Variants in CARS1 observed in about 807,000 individuals in gnomAD.
The protein encoded by CARS1 is cysteine--tRNA ligase, cytoplasmic.
Under a neutral mutation model 106.2 loss-of-function variants are expected in CARS1, and 48 were observed. The ratio of observed to expected loss-of-function variants is 0.45; its 90% CI spans 0.36 to 0.57. The LOEUF (loss-of-function observed/expected upper bound fraction) is 0.57, where lower values mean the gene tolerates loss of function less well. CARS1 is among the 20% of genes least tolerant of loss of function. The pLI is 0.00. For synonymous variants in CARS1, 409 were observed against 403.4 expected (o/e 1.01, Z -0.17); for missense variants, 968 against 1,057.2 (o/e 0.92, Z 1.17).
chr11:3,025,298 G>A (rs1222426051), intron 10 of CARS1, among the ~76,000 whole-genome samples: 1 of 152,186 alleles, frequency 6.6e-6, no homozygotes, highest in African/African-American at 2.4e-5. Flanking sequence ...CACAATCTTG[G>A]CTCACTATAA....
rs1565068557 is a variant in CARS1 at position 3,029,275 on chromosome 11, GC to G, written c.942+27del. 6.2e-7 allele frequency: 1 copy of G among 1,610,696 alleles called. No homozygotes were observed. Among genetic ancestry groups the G allele is most frequent in the Non-Finnish European group, 8.5e-7 (1 of 1,177,162 alleles). On this transcript the variant is annotated intron_variant, in intron 8 of 22. Transcript: ENST00000380525. This position sits in a 1 kb window ranked among gnomAD's most constrained non-coding sequence, Gnocchi z 5.9. ...AAATCAGGGCCCTTAGCGCAAGAGA[GC>G]CAGCACAAGACAATCGTGACACTTA...
intron 18 of CARS1, chr11:3,007,457 G>A (rs1439182186): frequency 6.4e-6 from 1 of 155,104 alleles, no homozygotes; most frequent in Non-Finnish European, 1.4e-5. Flanking sequence ...ACGGGACTGC[G>A]ATGGGGGTCC....
In CARS1 at chr11:3,043,833, G is replaced by A. The variant is rs111547944; in HGVS notation, c.275-1577C>T. 6.4e-4 allele frequency among the ~76,000 whole-genome samples: 97 copies of A among 152,290 alleles called. No individual in the cohort carries two copies. The highest frequency in any genetic ancestry group is 2.3e-3 in the African/African-American group (94 of 41,558). On this transcript the variant is annotated intron_variant, in intron 2 of 22. Transcript: ENST00000380525. The surrounding 1 kb of genome is among the most constrained non-coding windows in gnomAD (Gnocchi z 4.0). ...ACTGTGTCTGGGCAGTGGGGGTACT[G>A]TGGGCAGGTGGGAGATGGGGCAGGA...
Position 3,003,079 on chromosome 11 carries a change from G to C in CARS1, c.2218-479C>G, listed in dbSNP as rs146895446. 3.3e-5 allele frequency among the ~76,000 whole-genome samples: 5 copies of C among 152,256 alleles called. No homozygotes were observed. The East Asian group carries it at 9.7e-4, about 30-fold the overall frequency. On this transcript the variant is annotated intron_variant, in intron 20 of 22. Transcript: ENST00000380525. This position sits in a 1 kb window ranked among gnomAD's most constrained non-coding sequence, Gnocchi z 4.8. ...GGCAGCCTTGGGGGCTAGGTGAGGA[G>C]ACCAGAGCCCACTCCAACCAGCAGG...
rs528585835 is a variant in CARS1 at position 3,004,652 on chromosome 11, G to C, written c.2217+714C>G. Among the ~76,000 whole-genome samples, 7 of 152,330 alleles carry C rather than the reference G, an allele frequency of 4.6e-5. No individual in the cohort carries two copies. Among genetic ancestry groups the C allele is most frequent in the African/African-American group, 1.7e-4 (7 of 41,576 alleles). On this transcript the variant is annotated intron_variant, in intron 20 of 22. Coordinates refer to ENST00000380525, the MANE Select transcript of CARS1 (RefSeq NM_001014437.3). This position sits in a 1 kb window ranked among gnomAD's most constrained non-coding sequence, Gnocchi z 5.2. Reference sequence around the variant, plus strand: ...CCAGAGATTCTGACATTGCGTTTTTGTTCCTGTTCTTCTGTCCTATTGGGC... The same window carrying C: ...CCAGAGATTCTGACATTGCGTTTTTCTTCCTGTTCTTCTGTCCTATTGGGC...
chr11:3,056,989 A>AG (rs1052329434), intron 1 of CARS1, among the ~76,000 whole-genome samples: 7 of 152,138 alleles, frequency 4.6e-5, no homozygotes, highest in Non-Finnish European at 5.9e-5. Flanking sequence ...CAGGAGTCCC[A>AG]GGGGTCCCAG....
Position 3,029,271 on chromosome 11 carries a change from G to C in CARS1, c.942+32C>G, listed in dbSNP as rs774295949. On this transcript the variant is annotated intron_variant, in intron 8 of 22. Coordinates refer to ENST00000380525, the MANE Select transcript of CARS1 (RefSeq NM_001014437.3). The surrounding 1 kb of genome is among the most constrained non-coding windows in gnomAD (Gnocchi z 5.9). Reference sequence around the variant, plus strand: ...TTAGAAATCAGGGCCCTTAGCGCAAGAGAGCCAGCACAAGACAATCGTGAC... The same window carrying C: ...TTAGAAATCAGGGCCCTTAGCGCAACAGAGCCAGCACAAGACAATCGTGAC... 3.1e-6 allele frequency: 5 copies of C among 1,609,118 alleles called. No individual in the cohort carries two copies. Among genetic ancestry groups the C allele is most frequent in the South Asian group, 1.1e-5 (1 of 90,912 alleles).
Position 3,043,888 on chromosome 11 carries a change from G to A in CARS1, c.275-1632C>T, listed in dbSNP as rs1270622265. 6.6e-6 allele frequency among the ~76,000 whole-genome samples: 1 copy of A among 152,132 alleles called. No homozygotes were observed. Among genetic ancestry groups the A allele is most frequent in the Non-Finnish European group, 1.5e-5 (1 of 68,020 alleles). The stretch of plus-strand genomic sequence containing the variant: ...GAGAGAGGGCCAGTGCTCAGCAGGA[G>A]CCCCCACTCTAGGTGAGTTCCAGTG... On this transcript the variant is annotated intron_variant, in intron 2 of 22. Transcript: ENST00000380525. This position sits in a 1 kb window ranked among gnomAD's most constrained non-coding sequence, Gnocchi z 4.0.
rs1855607453 is a variant in CARS1, at chr11:3,050,847, CT to C, written c.26-2847del. The stretch of plus-strand genomic sequence containing the variant: ...GCCCGCCTCTAGACCCTGAGCCTGG[CT>C]GCTCTTTCTCTCCGCAGCACCCCTG... On this transcript the variant is annotated intron_variant, in intron 1 of 22. Transcript: ENST00000380525. The surrounding 1 kb of genome is among the most constrained non-coding windows in gnomAD (Gnocchi z 6.3). Among the ~76,000 whole-genome samples, 1 of 152,234 alleles carries C rather than the reference CT, an allele frequency of 6.6e-6. No homozygotes were observed. Among genetic ancestry groups the C allele is most frequent in the African/African-American group, 2.4e-5 (1 of 41,454 alleles).
At chr11:3,033,235 G>A (rs1853107239) in intron 7 of CARS1, among the ~76,000 whole-genome samples, 1 of 152,040 alleles carries the variant, frequency 6.6e-6, no homozygotes, top group Non-Finnish European at 1.5e-5. Context: ...ATAGCTAAGT[G>A]GATGGCATGT....
Position 3,001,163 on chromosome 11 carries a change from T to C in CARS1, c.2447A>G (p.Lys816Arg). 6.2e-7 allele frequency: 1 copy of C among 1,614,176 alleles called. No homozygotes were observed. Residue 816 changes from lysine (K) to arginine (R), a missense_variant, in exon 23 of 23, where the codon AAG becomes AGG. Coordinates refer to ENST00000380525, the MANE Select transcript of CARS1 (RefSeq NM_001014437.3). ...CATCTGCAGATATTCCTTGTAGAGC[T>C]TCTCCTGAGCCTCGAAGAGCTTCTT... is the stretch of plus-strand genomic sequence containing the variant. ...KLKKLFEAQE[K>R]LYKEYLQMAQ...
At chr11:3,023,752 T>C (rs1851788708) in intron 10 of CARS1, among the ~76,000 whole-genome samples, 1 of 152,228 alleles carries the variant, frequency 6.6e-6, no homozygotes, top group South Asian at 2.1e-4. Flanking sequence ...TCTTCTATAT[T>C]ATTTTTTGAG....
rs929019807 is a variant in CARS1 at position 3,021,133 on chromosome 11, G to A, written c.1154-801C>T. Among the ~76,000 whole-genome samples, 1 of 152,176 alleles carries A rather than the reference G, an allele frequency of 6.6e-6. No individual in the cohort carries two copies. The highest frequency in any genetic ancestry group is 1.9e-4 in the East Asian group (1 of 5,200). On this transcript the variant is annotated intron_variant, in intron 10 of 22. Transcript: ENST00000380525. This position sits in a 1 kb window ranked among gnomAD's most constrained non-coding sequence, Gnocchi z 5.3. ...GGGTACAAGGCGGTCTGAGTCCCCA[G>A]AAAAGGAATGCACCATCACTGCAGA...
chr11:3,048,212 C>T lies in CARS1; in HGVS notation c.26-211G>A, dbSNP rs377714269. The T allele has an allele frequency of 1.5e-5, 8 of 535,170 alleles. No individual in the cohort carries two copies. Among genetic ancestry groups the T allele is most frequent in the Non-Finnish European group, 2.6e-5 (8 of 303,898 alleles). 33.2% of individuals were successfully genotyped at this position (535,170 alleles called of 1,614,324 possible). A position where few individuals can be genotyped will look rare whatever the true frequency, so the allele number is the denominator to read the frequency against. Reference sequence around the variant, plus strand: ...CTGCCTGACAGGTATGGATGGGTTCCCTCTTGGGTGATGAAAATGCTTTGG... The same window carrying T: ...CTGCCTGACAGGTATGGATGGGTTCTCTCTTGGGTGATGAAAATGCTTTGG... On this transcript the variant is annotated intron_variant, in intron 1 of 22. Coordinates refer to ENST00000380525, the MANE Select transcript of CARS1 (RefSeq NM_001014437.3). This position sits in a 1 kb window ranked among gnomAD's most constrained non-coding sequence, Gnocchi z 5.1.
At chr11:3,032,052 CTCCCTCCCTCCTTCCTTCCTTCCT>C (rs1852889350) in intron 7 of CARS1, among the ~76,000 whole-genome samples, 4 of 13,520 alleles carry the variant, frequency 3.0e-4, no homozygotes, top group African/African-American at 7.8e-4. Context: ...CCCTCCCTCC[CTCCCTCCCTCCTTCCTTCCTTCCT>C]TCCTTCCTTC....
chr11:3,042,518 G>A (rs1047465284), intron 2 of CARS1, among the ~76,000 whole-genome samples: 3 of 151,182 alleles, frequency 2.0e-5, no homozygotes, highest in Non-Finnish European at 3.0e-5. Context: ...TCTGCCTCCC[G>A]ACAACCGCGT....
chr11:3,027,681 G>C (rs1252643073), intron 9 of CARS1: 2 of 291,380 alleles, frequency 6.9e-6, no homozygotes, highest in African/African-American at 4.3e-5. Context: ...AGCAGCTGAG[G>C]GGACATAGTG....
intron 10 of CARS1, among the ~76,000 whole-genome samples, chr11:3,025,068 C>T (rs377765): frequency 0.33 from 50,200 of 152,012 alleles, 10,153 homozygotes; most frequent in East Asian, 0.63. Context: ...CCTTCTGGTC[C>T]AGAGGCCCAG....
rs1308223549 is a variant in CARS1, at chr11:3,019,201, T to C, written c.1333A>G (p.Ile445Val). 9 of 1,533,000 alleles carry C rather than the reference T, an allele frequency of 5.9e-6. No homozygotes were observed. Among genetic ancestry groups the C allele is most frequent in the Non-Finnish European group, 7.9e-6 (9 of 1,141,724 alleles). The allele number at this position is 1,533,000 out of a possible 1,614,324, so 95.0% of individuals were successfully genotyped here. The change falls in exon 12 of 23, where the codon ATT (isoleucine) becomes GTT (valine). Residue 445 changes from isoleucine (I) to valine (V), a missense_variant. Coordinates refer to ENST00000380525, the MANE Select transcript of CARS1 (RefSeq NM_001014437.3). The surrounding 1 kb of genome is among the most constrained non-coding windows in gnomAD (Gnocchi z 6.2). ...AGTLLGASMDIHGGGFDLRFP... is the reference protein window; with the variant it reads ...AGTLLGASMDVHGGGFDLRFP... ...CGGAGGTCGAACCCACCTCCGTGAA[T>C]GTCCATCGAAGCCCCTAGGAGGGTG...
Sources: gnomAD v4.1 joint callset for allele counts (sites outside exome capture counted in the v4.1 genomes callset) on GRCh38, gnomAD v4.1.1 for gene constraint, Gnocchi (gnomAD v3.1) non-coding constraint, MANE v1.5 for transcripts, NCBI Gene and HGNC (gene_info 2026-07-23, HGNC 2026-07-21) for gene names.